GALNT13: variants seen among roughly 807,000 people sequenced by gnomAD.
GALNT13 encodes the protein polypeptide N-acetylgalactosaminyltransferase 13.
GALNT13 carries 28 observed loss-of-function variants against 64.2 expected under a neutral mutation model. The observed-to-expected ratio is 0.44, with a 90% confidence interval of 0.32 to 0.60. The LOEUF is 0.60. Ranked by LOEUF, GALNT13 falls within the 20% of genes least tolerant of loss-of-function variation. The probability of loss-of-function intolerance (pLI) is 0.05; values close to 1 mark genes in which losing one functional copy is unlikely to be tolerated. For missense variants in GALNT13, 577 were observed against 669.8 expected (o/e 0.86, Z 1.53); for synonymous variants, 214 against 224.6 (o/e 0.95, Z 0.42).
chr2:153,126,590 G>T, the GALNT13 span, among the ~76,000 whole-genome samples: 1 of 151,856 alleles, frequency 6.6e-6, no homozygotes, highest in South Asian at 2.1e-4. Flanking sequence ...ATGCCACACT[G>T]CCTCTAGATT....
At chr2:153,615,596 T>C in the GALNT13 span, among the ~76,000 whole-genome samples, 3 of 152,068 alleles carry the variant, frequency 2.0e-5, no homozygotes, top group African/African-American at 4.8e-5. Flanking sequence ...CAATATTTCA[T>C]TGTAGCTTTG....
chr2:153,362,162 A>G, the GALNT13 span, among the ~76,000 whole-genome samples: 1 of 152,202 alleles, frequency 6.6e-6, no homozygotes, highest in Non-Finnish European at 1.5e-5. Context: ...TTTTCAGACA[A>G]GCAAATATAG....
the GALNT13 span, among the ~76,000 whole-genome samples, chr2:153,805,606 A>T: frequency 1.3e-5 from 2 of 152,084 alleles, no homozygotes; most frequent in Non-Finnish European, 2.9e-5. Context: ...AGGAGAATAT[A>T]ATATGCTCAG....
At chr2:153,630,785 ATATATATATATATATATATATAT>A in the GALNT13 span, among the ~76,000 whole-genome samples, 27 of 10,430 alleles carry the variant, frequency 2.6e-3, no homozygotes, top group East Asian at 0.041. Context: ...ATATATATAT[ATATATATATATATATATATATAT>A]TTTTTTTTTT....
intron 3 of GALNT13, among the ~76,000 whole-genome samples, chr2:154,132,208 A>C (rs935877465): frequency 6.6e-6 from 1 of 152,184 alleles, no homozygotes; most frequent in Non-Finnish European, 1.5e-5. Context: ...TTGACACTCA[A>C]TATTAACCAT....
intron 2 of GALNT13, among the ~76,000 whole-genome samples, chr2:153,941,973 T>C (rs1290523037): frequency 6.6e-6 from 1 of 152,186 alleles, no homozygotes; most frequent in African/African-American, 2.4e-5. Flanking sequence ...GTGGCAATAA[T>C]ATGTAATTTT....
the GALNT13 span, among the ~76,000 whole-genome samples, chr2:153,647,316 T>G: frequency 1.3e-5 from 2 of 151,730 alleles, no homozygotes; most frequent in Admixed American, 1.3e-4. Context: ...GGGTTATTTG[T>G]TTTTTTTCTT....
intron 3 of GALNT13, among the ~76,000 whole-genome samples, chr2:154,046,942 T>A (rs1699322166): frequency 1.3e-5 from 2 of 150,926 alleles, no homozygotes. Context: ...TCTGTGGGTT[T>A]TTTTTTTTAT....
the GALNT13 span, chr2:153,478,530 C>G: frequency 1.2e-6 from 2 of 1,605,634 alleles, no homozygotes; most frequent in African/African-American, 2.7e-5. Flanking sequence ...GGAACAGGCC[C>G]GCCACGTCCG....
At chr2:153,343,273 A>G in the GALNT13 span, among the ~76,000 whole-genome samples, 1 of 152,210 alleles carries the variant, frequency 6.6e-6, no homozygotes, top group African/African-American at 2.4e-5. Context: ...ATATCTACCA[A>G]GATGAGATAC....
At chr2:153,455,680 T>G in the GALNT13 span, among the ~76,000 whole-genome samples, 2 of 152,004 alleles carry the variant, frequency 1.3e-5, no homozygotes, top group Non-Finnish European at 2.9e-5. Context: ...TGGTGCTCGT[T>G]TAGCTCTGCT....
chr2:154,302,019 A>G (rs929742109), intron 9 of GALNT13, among the ~76,000 whole-genome samples: 9 of 152,120 alleles, frequency 5.9e-5, no homozygotes, highest in African/African-American at 1.2e-4. Flanking sequence ...GAAAAATAAT[A>G]TGAGTAAAAC....
At chr2:153,295,322 T>A in the GALNT13 span, among the ~76,000 whole-genome samples, 892 of 152,242 alleles carry the variant, frequency 5.9e-3, 8 homozygotes, top group African/African-American at 0.02. Context: ...GAGAAGACAT[T>A]ATAAACCCCA....
the GALNT13 span, among the ~76,000 whole-genome samples, chr2:153,133,475 T>G: frequency 6.6e-6 from 1 of 152,090 alleles, no homozygotes; most frequent in African/African-American, 2.4e-5. Flanking sequence ...CTTCTTGCTT[T>G]GCTGTTTTTT....
chr2:154,099,563 C>A (rs1417066609), intron 3 of GALNT13, among the ~76,000 whole-genome samples: 4 of 152,012 alleles, frequency 2.6e-5, no homozygotes, highest in East Asian at 1.9e-4. Flanking sequence ...TACCATTAAG[C>A]CCTTAATCCA....
chr2:153,096,039 G>GTAAATAAA, the GALNT13 span, among the ~76,000 whole-genome samples: 1 of 150,650 alleles, frequency 6.6e-6, no homozygotes, highest in Non-Finnish European at 1.5e-5. Context: ...AATAAAATAA[G>GTAAATAAA]TAAATAAATA....
intron 1 of GALNT13, among the ~76,000 whole-genome samples, chr2:153,885,876 CA>C (rs748170607): frequency 3.9e-5 from 6 of 152,014 alleles, no homozygotes; most frequent in Admixed American, 6.6e-5. Flanking sequence ...GTAGTTCCCA[CA>C]AAAAAATTTA....
chr2:154,332,822 A>T (rs1216679451), intron 9 of GALNT13, among the ~76,000 whole-genome samples: 2 of 152,148 alleles, frequency 1.3e-5, no homozygotes, highest in Non-Finnish European at 2.9e-5. Context: ...ATGTGATAAA[A>T]GCAAATGAAT....
chr2:154,020,556 T>A (rs1157287072), intron 3 of GALNT13, among the ~76,000 whole-genome samples: 3 of 152,064 alleles, frequency 2.0e-5, no homozygotes, highest in African/African-American at 7.3e-5. Flanking sequence ...TGTTTGTTTT[T>A]TTCTTGTAAA....
Sources: allele counts gnomAD v4.1 joint callset (sites outside exome capture counted in the v4.1 genomes callset), GRCh38; gene constraint gnomAD v4.1.1; transcripts MANE v1.5; gene names NCBI Gene and HGNC (gene_info 2026-07-23, HGNC 2026-07-21).